CHD3: variants seen among roughly 807,000 people sequenced by gnomAD.
CHD3 encodes ATP-dependent chromatin remodeler CHD3.
CHD3 carries 52 observed loss-of-function variants against 248.9 expected under a neutral mutation model. The observed-to-expected ratio is 0.21, with a 90% CI of 0.17 to 0.26. CHD3 has a LOEUF of 0.26. Among genes scored for constraint, CHD3 ranks in the 10% least tolerant of loss-of-function variants. The pLI is 1.00. For missense variants in CHD3, 1,482 were observed against 2,605.8 expected, an observed-to-expected ratio of 0.57 and a Z score of 9.39; for synonymous variants, 985 against 985.2, an observed-to-expected ratio of 1.00 and a Z score of 0.00.
rs1168804113 is a variant in CHD3, at chr17:7,899,034, G to A, written c.2175G>A (p.Gln725=). ...AGCCTACCGTGAAATATGAGACTCA[G>A]CCACGGTTTATCACAGCCACTGGAG... is the stretch of plus-strand genomic sequence containing the variant. The part of the protein sequence containing the change: ...TNDPTVKYET[Q]PRFITATGGT... The change falls in exon 14 of 40, where the codon CAG becomes CAA. Residue 725 remains glutamine (Q), a synonymous_variant. Transcript: ENST00000330494. This position sits in a 1 kb window ranked among gnomAD's most constrained non-coding sequence, Gnocchi z 6.8. The A allele has an allele frequency of 1.9e-6, 3 of 1,614,002 alleles. No homozygotes were observed. The highest frequency in any genetic ancestry group is 2.5e-6 in the Non-Finnish European group (3 of 1,180,022).
At chr17:7,902,748 C>T (rs534098059) in intron 21 of CHD3, 21 bp downstream of exon 21, 9 of 1,606,654 alleles carry the variant, frequency 5.6e-6, no homozygotes, top group South Asian at 5.5e-5. Context: ...TACACTGGTC[C>T]CTGGTGGGTG....
At position 7,903,217 on chromosome 17, in the gene CHD3, A is replaced by G; in HGVS notation, c.3496-55A>G. The G allele has an allele frequency of 6.3e-7, 1 of 1,588,034 alleles. No homozygotes were observed. Among genetic ancestry groups the G allele is most frequent in the Non-Finnish European group, 8.6e-7 (1 of 1,159,470 alleles). The stretch of plus-strand genomic sequence containing the variant: ...TCTTTCCTGAGGCAGCTCTATGGGC[A>G]GCTTCTCCCCGGCCACTCCCCTGAC... On this transcript the variant is annotated intron_variant, in intron 22 of 39. Transcript: ENST00000330494. The surrounding 1 kb of genome is among the most constrained non-coding windows in gnomAD (Gnocchi z 6.8).
Position 7,908,739 on chromosome 17 carries a change from A to G in CHD3, c.5304A>G (p.Gln1768=). The part of the protein sequence containing the change: ...ARWQDIQNDA[Q]FAIINEPFKT... ...GGCAGGACATCCAGAATGATGCTCA[A>G]TTTGCCATTATCAACGAGCCATTTA... Residue 1768 remains glutamine, a synonymous_variant, in exon 36 of 40, where the codon CAA becomes CAG. Coordinates refer to ENST00000330494, the MANE Select transcript of CHD3 (RefSeq NM_001005273.3). This position sits in a 1 kb window ranked among gnomAD's most constrained non-coding sequence, Gnocchi z 5.8. 1 of 1,614,128 alleles carries G rather than the reference A, an allele frequency of 6.2e-7. No individual in the cohort carries two copies.
In CHD3 at chr17:7,903,340, G is replaced by T. The variant is rs773170300; in HGVS notation, c.3564G>T (p.Ala1188=). The change falls in exon 23 of 40, where the codon GCG becomes GCT. Residue 1188 remains alanine (A), a synonymous_variant. Transcript: ENST00000330494. The surrounding 1 kb of genome is among the most constrained non-coding windows in gnomAD (Gnocchi z 6.8). ...KVMIYRFVTR[A]SVEERITQVA... ...TGATTTACCGGTTTGTGACTCGCGCGTCAGTGGAAGAGCGAATCACACAAG... is the reference window on the plus strand; with the variant it reads ...TGATTTACCGGTTTGTGACTCGCGCTTCAGTGGAAGAGCGAATCACACAAG... The T allele has an allele frequency of 6.2e-7, 1 of 1,614,166 alleles. No individual in the cohort carries two copies. The highest frequency in any genetic ancestry group is 8.5e-7 in the Non-Finnish European group (1 of 1,180,030).
Position 7,894,941 on chromosome 17 carries a change from G to A in CHD3, c.1294G>A (p.Ala432Thr), listed in dbSNP as rs767144411. Residue 432 changes from alanine to threonine, a missense_variant, in exon 9 of 40, where the codon GCC (alanine) becomes ACC (threonine). Around this residue, in one of 20 missense-constraint regions of CHD3, gnomAD observed 138 missense variants for 241.1 expected, o/e 0.57. Transcript: ENST00000330494. ...GGAGAAGGAGGGGGTCCAGTGGGAGGCCAAGGAGGAAGAAGAAGAATACGA... is the reference window on the plus strand; with the variant it reads ...GGAGAAGGAGGGGGTCCAGTGGGAGACCAAGGAGGAAGAAGAAGAATACGA... ...HCEKEGVQWE[A>T]KEEEEEYEEE... 3.1e-6 allele frequency: 5 copies of A among 1,612,764 alleles called. No individual in the cohort carries two copies. The highest frequency in any genetic ancestry group is 4.2e-6 in the Non-Finnish European group (5 of 1,179,528).
Position 7,910,261 on chromosome 17 carries a change from A to G in CHD3, c.5591-167A>G, listed in dbSNP as rs754427761. 7.5e-6 allele frequency: 6 copies of G among 798,308 alleles called. No individual in the cohort carries two copies. Among genetic ancestry groups the G allele is most frequent in the South Asian group, 3.2e-5 (2 of 62,724 alleles). 49.5% of individuals were successfully genotyped at this position (798,308 alleles called of 1,614,324 possible). A position where few individuals can be genotyped will look rare whatever the true frequency, so the allele number is the denominator to read the frequency against. On this transcript the variant is annotated intron_variant, in intron 37 of 39. Transcript: ENST00000330494. This position sits in a 1 kb window ranked among gnomAD's most constrained non-coding sequence, Gnocchi z 4.7. ...TTCCCCTGAGTTGCTTCTGTTTTCC[A>G]TCTACTTCTTTTACTTTCTTGATCT...
chr17:7,885,043 GCCGCCA>G (rs1241916951), upstream of CHD3: 2 of 1,088,844 alleles, frequency 1.8e-6, no homozygotes, highest in Non-Finnish European at 2.2e-6. Context: ...CGCCGCCGCC[GCCGCCA>G]CCGCTGCCCC....
chr17:7,907,587 A>T lies in CHD3; in HGVS notation c.4925-14A>T. On this transcript the variant is annotated splice_polypyrimidine_tract_variant and intron_variant, in intron 32 of 39. Transcript: ENST00000330494. This position sits in a 1 kb window ranked among gnomAD's most constrained non-coding sequence, Gnocchi z 4.3. Reference sequence around the variant, plus strand: ...GTAACATCCTCCCTTCCTATCCCCTACCCCCTCCCACAGCCACAGAGTCGA... The same window carrying T: ...GTAACATCCTCCCTTCCTATCCCCTTCCCCCTCCCACAGCCACAGAGTCGA... 6.6e-7 allele frequency: 1 copy of T among 1,507,208 alleles called. No individual in the cohort carries two copies. The highest frequency in any genetic ancestry group is 2.3e-5 in the East Asian group (1 of 42,904). The allele number at this position is 1,507,208 out of a possible 1,614,324, so 93.4% of individuals were successfully genotyped here.
rs1303570099 is a variant in CHD3 at position 7,903,856 on chromosome 17, T to C, written c.3759T>C (p.Ile1253=). Residue 1253 remains isoleucine (I), a synonymous_variant, in exon 24 of 40, where the codon ATT becomes ATC. Coordinates refer to ENST00000330494, the MANE Select transcript of CHD3 (RefSeq NM_001005273.3). The surrounding 1 kb of genome is among the most constrained non-coding windows in gnomAD (Gnocchi z 6.8). ...ACAAGGAGGAGGACAGCAGTGTGAT[T>C]CATTATGACAATGAGGCCATCGCTC... ...GENKEEDSSV[I]HYDNEAIARL... 6 of 1,614,182 alleles carry C rather than the reference T, an allele frequency of 3.7e-6. No individual in the cohort carries two copies. The South Asian group carries it at 6.6e-5, about 18-fold the overall frequency.
At position 7,910,410 on chromosome 17, in the gene CHD3, C is replaced by G. The variant is rs1460824834; in HGVS notation, c.5591-18C>G. The G allele has an allele frequency of 1.9e-6, 3 of 1,614,114 alleles. No homozygotes were observed. The highest frequency in any genetic ancestry group is 2.5e-6 in the Non-Finnish European group (3 of 1,180,012). ...CTGTCTTTCTCTTGCCCTTCTTTCT[C>G]TGTGGCCCGGGCCCCAGTTCTGAAC... On this transcript the variant is annotated intron_variant, in intron 37 of 39. Coordinates refer to ENST00000330494, the MANE Select transcript of CHD3 (RefSeq NM_001005273.3). This position sits in a 1 kb window ranked among gnomAD's most constrained non-coding sequence, Gnocchi z 4.7.
chr17:7,912,595 A>G lies in CHD3; in HGVS notation c.*1010A>G, dbSNP rs979950992. Reference sequence around the variant, plus strand: ...CCCCCTCCCAGGAGGGGCCGGGGAGAGTGGCAGTTTGCATGGCGAACCCCC... The same window carrying G: ...CCCCCTCCCAGGAGGGGCCGGGGAGGGTGGCAGTTTGCATGGCGAACCCCC... On this transcript the variant is annotated 3_prime_UTR_variant, in exon 40 of 40. Transcript: ENST00000330494. 2.0e-5 allele frequency: 3 copies of G among 151,826 alleles called. No homozygotes were observed. The highest frequency in any genetic ancestry group is 7.3e-5 in the African/African-American group (3 of 41,272). 9.4% of individuals were successfully genotyped at this position (151,826 alleles called of 1,614,324 possible). A position where few individuals can be genotyped will look rare whatever the true frequency, so the allele number is the denominator to read the frequency against.
chr17:7,902,504 GT>G (rs1970438254), intron 20 of CHD3, 105 bp from the exon 21 acceptor site: 1 of 659,720 alleles, frequency 1.5e-6, no homozygotes, highest in African/African-American at 1.8e-5. Context: ...CAGGGCAGGG[GT>G]TCAGGTGTAA....
In CHD3 at chr17:7,900,785, T is replaced by A; in HGVS notation, c.2978+54T>A. On this transcript the variant is annotated intron_variant, in intron 18 of 39. Coordinates refer to ENST00000330494, the MANE Select transcript of CHD3 (RefSeq NM_001005273.3). This position sits in a 1 kb window ranked among gnomAD's most constrained non-coding sequence, Gnocchi z 6.5. ...AGGGCTTGGGGATTGATGGGAGCGT[T>A]CCAAGTGCAATATCATAATTGCTTC... is the stretch of plus-strand genomic sequence containing the variant. 20 of 1,610,302 alleles carry A rather than the reference T, an allele frequency of 1.2e-5. No individual in the cohort carries two copies. Among genetic ancestry groups the A allele is most frequent in the Non-Finnish European group, 1.7e-5 (20 of 1,176,966 alleles).
rs751295206 is a variant in CHD3 at position 7,894,908 on chromosome 17, G to GC, written c.1270-4dup. The GC allele has an allele frequency of 8.1e-6, 13 of 1,611,756 alleles. No homozygotes were observed. In the South Asian group the frequency reaches 1.3e-4, roughly 16 times the overall value. On this transcript the variant is annotated splice_polypyrimidine_tract_variant and intron_variant, in intron 8 of 39. Coordinates refer to ENST00000330494, the MANE Select transcript of CHD3 (RefSeq NM_001005273.3). ...CCATCTGTCTGTGTGTCTATCCTTG[G>GC]CCCCCTAGGAGAAGGAGGGGGTCCA...
chr17:7,908,994 GT>G lies in CHD3; in HGVS notation c.5395-147del. The G allele has an allele frequency of 7.2e-7, 1 of 1,384,920 alleles. No individual in the cohort carries two copies. The highest frequency in any genetic ancestry group is 2.4e-5 in the East Asian group (1 of 41,656). The allele number at this position is 1,384,920 out of a possible 1,614,324, so 85.8% of individuals were successfully genotyped here. A position where few individuals can be genotyped will look rare whatever the true frequency, so the allele number is the denominator to read the frequency against. ...GCTTGGGAGTGTGATCTGGGTCAGGGTTGCTGCTAGGTTCGCAGTCGGTTTG... is the reference window on the plus strand; with the variant it reads ...GCTTGGGAGTGTGATCTGGGTCAGGGTGCTGCTAGGTTCGCAGTCGGTTTG... On this transcript the variant is annotated intron_variant, in intron 36 of 39. Transcript: ENST00000330494. This position sits in a 1 kb window ranked among gnomAD's most constrained non-coding sequence, Gnocchi z 5.8.
In CHD3 at chr17:7,908,675, G is replaced by T. The variant is rs1971286968; in HGVS notation, c.5262-22G>T. The T allele has an allele frequency of 6.2e-7, 1 of 1,613,664 alleles. No homozygotes were observed. Among genetic ancestry groups the T allele is most frequent in the Non-Finnish European group, 8.5e-7 (1 of 1,179,664 alleles). On this transcript the variant is annotated intron_variant, in intron 35 of 39. Transcript: ENST00000330494. The surrounding 1 kb of genome is among the most constrained non-coding windows in gnomAD (Gnocchi z 5.8). ...CCCATTCCTGTTAAATTCCTTGATG[G>T]TTCCTTTTCCTTCATTGGTAGCCAT...
In CHD3 at chr17:7,907,871, C is replaced by A; in HGVS notation, c.5027-23C>A. ...GGAGGAGGGTGTCCTGAGGTGTGAGCTTTGACCTGTCTGTCCTAGCAGAAG... is the reference window on the plus strand; with the variant it reads ...GGAGGAGGGTGTCCTGAGGTGTGAGATTTGACCTGTCTGTCCTAGCAGAAG... On this transcript the variant is annotated intron_variant, in intron 33 of 39. Coordinates refer to ENST00000330494, the MANE Select transcript of CHD3 (RefSeq NM_001005273.3). This position sits in a 1 kb window ranked among gnomAD's most constrained non-coding sequence, Gnocchi z 4.3. The A allele has an allele frequency of 6.2e-7, 1 of 1,604,508 alleles. No individual in the cohort carries two copies. Among genetic ancestry groups the A allele is most frequent in the Non-Finnish European group, 8.5e-7 (1 of 1,173,550 alleles).
In CHD3 at chr17:7,909,208, G is replaced by C. The variant is rs1391622314; in HGVS notation, c.5460G>C (p.Gln1820His). 1 of 1,549,496 alleles carries C rather than the reference G, an allele frequency of 6.5e-7. No homozygotes were observed. The highest frequency in any genetic ancestry group is 8.7e-7 in the Non-Finnish European group (1 of 1,147,520). Residue 1820 changes from glutamine (Q) to histidine (H), a missense_variant, in exon 37 of 40, where the codon CAG becomes CAC. Gln to His is a conservative substitution (Grantham distance 24). This residue lies in a region of CHD3 where 83 missense variants were observed against 181.0 expected (regional missense o/e 0.46). Coordinates refer to ENST00000330494, the MANE Select transcript of CHD3 (RefSeq NM_001005273.3). This position sits in a 1 kb window ranked among gnomAD's most constrained non-coding sequence, Gnocchi z 8.1. ...LRRAAYLNLS[Q>H]EPAHPAMALH... ...GGGCGGCCTACCTGAACCTGTCGCA[G>C]GAGCCGGCGCACCCCGCCATGGCCC...
At position 7,891,050 on chromosome 17, in the gene CHD3, C is replaced by T. The variant is rs766666031; in HGVS notation, c.495C>T (p.Phe165=). 5.6e-6 allele frequency: 9 copies of T among 1,614,116 alleles called. No individual in the cohort carries two copies. The highest frequency in any genetic ancestry group is 7.6e-6 in the Non-Finnish European group (9 of 1,180,000). ...DYHTLTNYKA[F]SQFMRPLIAK... is the part of the protein sequence containing the mutation. ...ACACGCTCACCAACTACAAAGCCTT[C>T]AGCCAGTTCATGAGGTGCGGTAAGA... Residue 165 remains phenylalanine (F), a synonymous_variant, in exon 4 of 40, where the codon TTC becomes TTT. Coordinates refer to ENST00000330494, the MANE Select transcript of CHD3 (RefSeq NM_001005273.3).
Sources: gnomAD v4.1 joint callset for allele counts on GRCh38, gnomAD v4.1.1 for gene constraint, gnomAD v4.1.1 regional missense constraint, Gnocchi (gnomAD v3.1) non-coding constraint, MANE v1.5 for transcripts, NCBI Gene and HGNC (gene_info 2026-07-23, HGNC 2026-07-21) for gene names.